Variants in NKAIN2 observed in about 807,000 individuals in gnomAD.
NKAIN2 encodes sodium/potassium transporting ATPase interacting 2, also known as sodium/potassium-transporting ATPase subunit beta-1-interacting protein 2.
NKAIN2 carries 14 observed loss-of-function variants against 32.6 expected under a neutral mutation model. That is an observed-to-expected ratio of 0.43 (90% CI 0.28 to 0.67). The LOEUF (loss-of-function observed/expected upper bound fraction) is 0.67, where lower values mean the gene tolerates loss of function less well. Ranked by LOEUF, NKAIN2 falls within the 30% of genes least tolerant of loss-of-function variation. The pLI, the probability that NKAIN2 is intolerant of heterozygous loss-of-function variation, is 0.17. For missense variants in NKAIN2, 198 were observed against 258.3 expected (o/e 0.77, Z 1.60); for synonymous variants, 80 against 87.2 (o/e 0.92, Z 0.46).
intron 4 of NKAIN2, among the ~76,000 whole-genome samples, chr6:124,756,514 A>G (rs1777974244): frequency 1.3e-5 from 2 of 152,170 alleles, no homozygotes; most frequent in Non-Finnish European, 2.9e-5. Flanking sequence ...TAAATAGGCA[A>G]GCTGGGCACA....
chr6:123,872,399 T>C (rs1363953385), intron 1 of NKAIN2, among the ~76,000 whole-genome samples: 1 of 152,234 alleles, frequency 6.6e-6, no homozygotes, highest in African/African-American at 2.4e-5. Flanking sequence ...TTTTAGTCAC[T>C]GGGTAATGGT....
At chr6:124,419,216 C>CTTT (rs1774637158) in intron 3 of NKAIN2, among the ~76,000 whole-genome samples, 1 of 152,078 alleles carries the variant, frequency 6.6e-6, no homozygotes. Flanking sequence ...TCTTGTTTCT[C>CTTT]TTTCTCCTTA....
At chr6:124,188,355 G>A (rs1789850990) in intron 1 of NKAIN2, among the ~76,000 whole-genome samples, 1 of 152,212 alleles carries the variant, frequency 6.6e-6, no homozygotes, top group Non-Finnish European at 1.5e-5. Context: ...ACTGGCTGAA[G>A]CTTCTATCCA....
chr6:124,521,757 T>G (rs1002786943), intron 3 of NKAIN2, among the ~76,000 whole-genome samples: 45 of 152,338 alleles, frequency 3.0e-4, no homozygotes, highest in African/African-American at 1.1e-3. Flanking sequence ...TGTGCTCTAT[T>G]ACTCCCTTGA....
At chr6:123,900,693 G>T (rs1774538171) in intron 1 of NKAIN2, among the ~76,000 whole-genome samples, 1 of 151,528 alleles carries the variant, frequency 6.6e-6, no homozygotes, top group Non-Finnish European at 1.5e-5. Context: ...GAAATTTGGA[G>T]AATAGTTTCT....
intron 3 of NKAIN2, among the ~76,000 whole-genome samples, chr6:124,634,121 G>T (rs892038742): frequency 2.6e-5 from 4 of 151,606 alleles, no homozygotes; most frequent in Non-Finnish European, 5.9e-5. Context: ...TCCTAGAAAA[G>T]GTTCTCCATA....
chr6:124,284,170 A>C (rs954588511), intron 2 of NKAIN2, among the ~76,000 whole-genome samples: 2 of 152,228 alleles, frequency 1.3e-5, no homozygotes, highest in African/African-American at 4.8e-5. Context: ...TGCAGAGGCT[A>C]GGTAGCCATC....
chr6:124,713,653 C>T (rs1364373760), intron 4 of NKAIN2, among the ~76,000 whole-genome samples: 1 of 152,056 alleles, frequency 6.6e-6, no homozygotes, highest in African/African-American at 2.4e-5. Context: ...AAAATCAGAG[C>T]TTTGAGCAAA....
intron 1 of NKAIN2, among the ~76,000 whole-genome samples, chr6:124,107,924 C>A (rs1202262113): frequency 1.3e-5 from 2 of 152,106 alleles, no homozygotes; most frequent in African/African-American, 2.4e-5. Flanking sequence ...TCCTACTCAT[C>A]CATCAATGGA....
chr6:124,750,221 T>A (rs1777643530), intron 4 of NKAIN2, among the ~76,000 whole-genome samples: 1 of 151,966 alleles, frequency 6.6e-6, no homozygotes, highest in African/African-American at 2.4e-5. Flanking sequence ...ATGTTAGTTA[T>A]TCTTTTGCCC....
At chr6:123,908,452 T>C (rs190725790) in intron 1 of NKAIN2, among the ~76,000 whole-genome samples, 8 of 152,300 alleles carry the variant, frequency 5.3e-5, no homozygotes, top group African/African-American at 1.9e-4. Context: ...TTTTTAAGCT[T>C]TTTCAAATCG....
intron 2 of NKAIN2, among the ~76,000 whole-genome samples, chr6:124,309,741 A>C (rs1429514544): frequency 6.6e-6 from 1 of 152,162 alleles, no homozygotes; most frequent in Non-Finnish European, 1.5e-5. Flanking sequence ...TTTCAGTCAC[A>C]ACAGTCTGTC....
At chr6:124,060,215 C>T (rs1782863798) in intron 1 of NKAIN2, among the ~76,000 whole-genome samples, 1 of 152,128 alleles carries the variant, frequency 6.6e-6, no homozygotes, top group Admixed American at 6.6e-5. Flanking sequence ...TCAGAGACAC[C>T]TTGATCCTGT....
chr6:124,193,035 T>C (rs1179094694), intron 1 of NKAIN2, among the ~76,000 whole-genome samples: 1 of 152,136 alleles, frequency 6.6e-6, no homozygotes, highest in Admixed American at 6.5e-5. Context: ...AGGCGTGAGC[T>C]ACCGCGCCCA....
chr6:124,588,265 A>T (rs1842128), intron 3 of NKAIN2, among the ~76,000 whole-genome samples: 26,398 of 152,044 alleles, frequency 0.17, 2,400 homozygotes, highest in Middle Eastern at 0.26. Flanking sequence ...TTAAGTATGA[A>T]TTTTTTGTAA....
chr6:124,150,954 A>C (rs2114391319), intron 1 of NKAIN2, among the ~76,000 whole-genome samples: 1 of 152,246 alleles, frequency 6.6e-6, no homozygotes, highest in Admixed American at 6.5e-5. Context: ...TAACATTTGT[A>C]ATTGTTTTTC....
intron 3 of NKAIN2, among the ~76,000 whole-genome samples, chr6:124,620,839 C>G (rs1783078938): frequency 6.6e-6 from 1 of 152,128 alleles, no homozygotes; most frequent in African/African-American, 2.4e-5. Context: ...TTAACTCCTG[C>G]TAAAGAAAAC....
intron 4 of NKAIN2, among the ~76,000 whole-genome samples, chr6:124,738,983 G>T (rs368435221): frequency 1.6e-4 from 24 of 151,766 alleles, no homozygotes; most frequent in African/African-American, 5.3e-4. Flanking sequence ...CTCTAATTCT[G>T]CTATAAGTGT....
intron 3 of NKAIN2, among the ~76,000 whole-genome samples, chr6:124,409,326 G>C: frequency 6.6e-6 from 1 of 152,068 alleles, no homozygotes; most frequent in East Asian, 1.9e-4. Flanking sequence ...TATTGGCTGT[G>C]GGTTTGTCAT....
Sources: allele counts gnomAD v4.1 joint callset (sites outside exome capture counted in the v4.1 genomes callset), GRCh38; gene constraint gnomAD v4.1.1; transcripts MANE v1.5; gene names NCBI Gene and HGNC (gene_info 2026-07-23, HGNC 2026-07-21).